Variants in CDC40 observed in about 807,000 individuals in gnomAD.
The protein encoded by CDC40 is cell division cycle 40.
In CDC40, 27 loss-of-function variants were observed where a neutral mutation model predicts 80.6. The ratio of observed to expected loss-of-function variants is 0.33; its 90% CI spans 0.25 to 0.46. CDC40 has a LOEUF of 0.46. Among genes scored for constraint, CDC40 ranks in the 20% least tolerant of loss-of-function variants. The pLI is 1.00. For missense variants in CDC40, 486 were observed against 694.1 expected, an observed-to-expected ratio of 0.70 and a Z score of 3.37; for synonymous variants, 221 against 232.6, an observed-to-expected ratio of 0.95 and a Z score of 0.45.
chr6:110,212,081 C>A (rs1173530576), intron 6 of CDC40, 52 bp from the exon 7 acceptor site: 28 of 1,484,966 alleles, frequency 1.9e-5, no homozygotes, highest in Non-Finnish European at 2.5e-5. Context: ...TGTTAGGTTT[C>A]ATGACTATGG....
chr6:110,187,969 A>C (rs1162380890), intron 1 of CDC40, among the ~76,000 whole-genome samples: 1 of 152,166 alleles, frequency 6.6e-6, no homozygotes, highest in Non-Finnish European at 1.5e-5. Flanking sequence ...CAAGTTTTCT[A>C]ATTAAATTTC....
intron 1 of CDC40, among the ~76,000 whole-genome samples, chr6:110,192,945 T>TA (rs1283407098): frequency 6.6e-6 from 1 of 152,206 alleles, no homozygotes; most frequent in African/African-American, 2.4e-5. Context: ...AATGTTAACT[T>TA]ATTTAGTTTT....
intron 1 of CDC40, among the ~76,000 whole-genome samples, chr6:110,191,915 A>G (rs1178634435): frequency 6.6e-6 from 1 of 152,260 alleles, no homozygotes; most frequent in Non-Finnish European, 1.5e-5. Flanking sequence ...TTTTTAAAAT[A>G]GAACATGAGT....
At chr6:110,221,060 G>GA (rs1219782741) in intron 12 of CDC40, among the ~76,000 whole-genome samples, 3 of 152,032 alleles carry the variant, frequency 2.0e-5, no homozygotes, top group African/African-American at 7.3e-5. Context: ...CTTTACTAGG[G>GA]AAAAAATATT....
In CDC40 at chr6:110,223,147, C is replaced by T. The variant is rs1021662429; in HGVS notation, c.1341-3020C>T. 2.0e-5 allele frequency among the ~76,000 whole-genome samples: 3 copies of T among 152,256 alleles called. No homozygotes were observed. The South Asian group carries it at 6.2e-4, about 32-fold the overall frequency. On this transcript the variant is annotated intron_variant, in intron 12 of 14. Coordinates refer to ENST00000307731, the MANE Select transcript of CDC40 (RefSeq NM_015891.3). Reference sequence around the variant, plus strand: ...TTGCCTAGACTAGAATGTAGTGGTGCAGTCATTGCTCACTGCAGCCTTGAA... The same window carrying T: ...TTGCCTAGACTAGAATGTAGTGGTGTAGTCATTGCTCACTGCAGCCTTGAA...
intron 2 of CDC40, among the ~76,000 whole-genome samples, chr6:110,196,422 G>C (rs970805924): frequency 2.6e-5 from 4 of 152,088 alleles, no homozygotes; most frequent in African/African-American, 9.7e-5. Context: ...AGACATAGTA[G>C]CCATTGTTTT....
chr6:110,204,547 G>A (rs779163732), intron 3 of CDC40, among the ~76,000 whole-genome samples: 8 of 151,636 alleles, frequency 5.3e-5, no homozygotes, highest in Non-Finnish European at 8.8e-5. Flanking sequence ...GTTCCCAAAC[G>A]TAGGTAAAAG....
chr6:110,224,883 A>T (rs982721080), intron 12 of CDC40, among the ~76,000 whole-genome samples: 1 of 152,246 alleles, frequency 6.6e-6, no homozygotes, highest in Non-Finnish European at 1.5e-5. Context: ...CTTAATTTAG[A>T]AAATTCTCAT....
At chr6:110,185,328 C>T (rs1189603010) in intron 1 of CDC40, among the ~76,000 whole-genome samples, 2 of 147,780 alleles carry the variant, frequency 1.4e-5, no homozygotes, top group Non-Finnish European at 1.5e-5. Flanking sequence ...CTGCAAGCTC[C>T]GCCTCCCGGG....
At chr6:110,208,447 A>C (rs189700538) in intron 4 of CDC40, among the ~76,000 whole-genome samples, 1 of 152,264 alleles carries the variant, frequency 6.6e-6, no homozygotes, top group Admixed American at 6.5e-5. Flanking sequence ...TACTAATCAA[A>C]TCAAAATCTC....
rs552782776 is a variant in CDC40, at chr6:110,215,876, A to G, written c.988+545A>G. ...CCTGAACCAAAGCAGCAGAGAGAGA[A>G]AAGAAAGGAACTACGTATTAGAGTT... On this transcript the variant is annotated intron_variant, in intron 9 of 14. Transcript: ENST00000307731. 5.9e-5 allele frequency among the ~76,000 whole-genome samples: 9 copies of G among 152,282 alleles called. No homozygotes were observed. In the South Asian group the frequency reaches 1.9e-3, roughly 32 times the overall value.
At position 110,209,238 on chromosome 6, in the gene CDC40, T is replaced by A; in HGVS notation, c.630+15T>A. Reference sequence around the variant, plus strand: ...AACCTTCAGAAGTAAGCTTTGATGTTTTTAATTGTCAATTCAGGTATACGC... The same window carrying A: ...AACCTTCAGAAGTAAGCTTTGATGTATTTAATTGTCAATTCAGGTATACGC... On this transcript the variant is annotated intron_variant, in intron 5 of 14. Coordinates refer to ENST00000307731, the MANE Select transcript of CDC40 (RefSeq NM_015891.3). 6.2e-7 allele frequency: 1 copy of A among 1,609,562 alleles called. No individual in the cohort carries two copies. The highest frequency in any genetic ancestry group is 8.5e-7 in the Non-Finnish European group (1 of 1,176,148).
At chr6:110,188,066 A>G (rs1370024271) in intron 1 of CDC40, among the ~76,000 whole-genome samples, 1 of 152,114 alleles carries the variant, frequency 6.6e-6, no homozygotes, top group Non-Finnish European at 1.5e-5. Flanking sequence ...ACTTACTTAT[A>G]TTTTTTATTG....
intron 1 of CDC40, among the ~76,000 whole-genome samples, chr6:110,190,209 G>A (rs560517846): frequency 6.6e-6 from 1 of 152,294 alleles, no homozygotes; most frequent in South Asian, 2.1e-4. Flanking sequence ...CAGGAGGAGG[G>A]AAGGTATCAG....
rs750344624 is a variant in CDC40 at position 110,187,289 on chromosome 6, G to T, written c.190-5893G>T. On this transcript the variant is annotated intron_variant, in intron 1 of 14. Transcript: ENST00000307731. ...GAGTTGGTTATTAAGTGACTTTAAG[G>T]TTACAAAAACAAAAGCAGATCTGGC... Among the ~76,000 whole-genome samples the T allele has an allele frequency of 2.6e-5, 4 of 152,200 alleles. 1 individual carries two copies. The highest frequency in any genetic ancestry group is 5.9e-5 in the Non-Finnish European group (4 of 68,046).
intron 1 of CDC40, among the ~76,000 whole-genome samples, chr6:110,190,164 G>A (rs1278280635): frequency 6.6e-6 from 1 of 151,962 alleles, no homozygotes; most frequent in Non-Finnish European, 1.5e-5. Context: ...CATTTTTTTA[G>A]GACCACAAAC....
intron 5 of CDC40, among the ~76,000 whole-genome samples, chr6:110,209,969 A>T (rs1584074988): frequency 6.6e-6 from 1 of 152,124 alleles, no homozygotes; most frequent in South Asian, 2.1e-4. Context: ...GCTCCTCCCA[A>T]AAAAATTGTG....
At chr6:110,204,359 G>A (rs1294649459) in intron 3 of CDC40, among the ~76,000 whole-genome samples, 1 of 152,066 alleles carries the variant, frequency 6.6e-6, no homozygotes, top group Non-Finnish European at 1.5e-5. Flanking sequence ...ACTGAACAAA[G>A]ATATAATTTT....
chr6:110,198,179 CTTTT>C (rs559909824), intron 2 of CDC40, among the ~76,000 whole-genome samples: 3 of 136,676 alleles, frequency 2.2e-5, no homozygotes, highest in Admixed American at 7.4e-5. Flanking sequence ...TACCTGTTGA[CTTTT>C]TTTTTTTTTT....
Sources: allele counts gnomAD v4.1 joint callset (sites outside exome capture counted in the v4.1 genomes callset), GRCh38; gene constraint gnomAD v4.1.1; transcripts MANE v1.5; gene names NCBI Gene and HGNC (gene_info 2026-07-23, HGNC 2026-07-21).